The following PCNX4 variants were observed in gnomAD, a reference collection of about 807,000 sequenced individuals.
PCNX4 encodes pecanex-like protein 4.
A neutral mutation model predicts 107.2 loss-of-function variants in PCNX4; 103 were observed. That is an observed-to-expected ratio of 0.96 (90% CI 0.82 to 1.13). The LOEUF (loss-of-function observed/expected upper bound fraction) is 1.13. PCNX4 is among the 50% of genes most tolerant of loss of function. The pLI, the probability that PCNX4 is intolerant of heterozygous loss-of-function variation, is 0.00. For missense variants in PCNX4, 1,528 were observed against 1,379.4 expected, an observed-to-expected ratio of 1.11 and a Z score of -1.71; for synonymous variants, 541 against 481.7, an observed-to-expected ratio of 1.12 and a Z score of -1.61.
intron 10 of PCNX4, among the ~76,000 whole-genome samples, chr14:60,127,995 C>A (rs1392125174): frequency 6.6e-6 from 1 of 151,914 alleles, no homozygotes; most frequent in Non-Finnish European, 1.5e-5. Context: ...TTTAAACTGG[C>A]AGAAGAAAGA....
chr14:60,125,761 T>G lies in PCNX4; in HGVS notation c.3205T>G (p.Trp1069Gly). 2 of 1,611,746 alleles carry G rather than the reference T, an allele frequency of 1.2e-6. No individual in the cohort carries two copies. The highest frequency in any genetic ancestry group is 8.5e-7 in the Non-Finnish European group (1 of 1,178,946). Residue 1069 changes from tryptophan (W) to glycine (G), a missense_variant, in exon 10 of 11, where the codon TGG becomes GGG. Physicochemically the swap from Trp to Gly is radical, Grantham distance 184. Transcript: ENST00000406854. ...CATTGGTTTGGTATCTGATGAAAAG[T>G]GGAAGGAAGCAATTTTACAAGAAAA... ...WYIGLVSDEKWKEAILQEKPY... is the reference protein window; with the variant it reads ...WYIGLVSDEKGKEAILQEKPY...
chr14:60,127,040 G>A (rs1223565440), intron 10 of PCNX4, among the ~76,000 whole-genome samples: 1 of 152,182 alleles, frequency 6.6e-6, no homozygotes, highest in East Asian at 1.9e-4. Flanking sequence ...AACAACAAAA[G>A]CTCTGAATCT....
At chr14:60,099,591 G>A (rs1025517251) in intron 1 of PCNX4, among the ~76,000 whole-genome samples, 1 of 152,200 alleles carries the variant, frequency 6.6e-6, no homozygotes, top group Non-Finnish European at 1.5e-5. Context: ...TTATCACTGA[G>A]CACATTGTAG....
chr14:60,101,912 C>A (rs1895539450), intron 1 of PCNX4, among the ~76,000 whole-genome samples: 1 of 152,080 alleles, frequency 6.6e-6, no homozygotes, highest in South Asian at 2.1e-4. Flanking sequence ...AAAAAGGAAA[C>A]CATGCCATAT....
intron 6 of PCNX4, among the ~76,000 whole-genome samples, chr14:60,116,996 CTGT>C (rs1255218755): frequency 6.6e-6 from 1 of 151,912 alleles, no homozygotes; most frequent in Non-Finnish European, 1.5e-5. Flanking sequence ...TGTTGAGCAG[CTGT>C]ACAATGTGTT....
At chr14:60,123,813 G>A (rs1555330841) in intron 8 of PCNX4, among the ~76,000 whole-genome samples, 1 of 152,104 alleles carries the variant, frequency 6.6e-6, no homozygotes, top group Non-Finnish European at 1.5e-5. Flanking sequence ...GTCTCATAAA[G>A]TGGGATGGAA....
At position 60,125,185 on chromosome 14, in the gene PCNX4, G is replaced by A. The variant is rs773554200; in HGVS notation, c.3014G>A (p.Trp1005Ter). Residue 1005 changes from tryptophan (W) to a stop codon, truncating the protein, a stop_gained, in exon 9 of 11, where the codon TGG (tryptophan) becomes TAG (stop). Transcript: ENST00000406854. LOFTEE classifies it high-confidence loss of function. ...AGAGTTTACGGTGGTGTTTTGCCTT[G>A]GTCTGTTGCTTTGGACTGGCTCACA... The part of the protein sequence containing the change: ...ILRVYGGVLP[W>*]SVALDWLTEK... 6.2e-7 allele frequency: 1 copy of A among 1,610,464 alleles called. No homozygotes were observed. Among genetic ancestry groups the A allele is most frequent in the Non-Finnish European group, 8.5e-7 (1 of 1,178,532 alleles).
intron 1 of PCNX4, among the ~76,000 whole-genome samples, chr14:60,105,079 A>G (rs745739679): frequency 6.1e-4 from 93 of 152,290 alleles, no homozygotes; most frequent in South Asian, 1.2e-3. Flanking sequence ...AAAATCAGAA[A>G]TGCCCTACTA....
intron 6 of PCNX4, among the ~76,000 whole-genome samples, chr14:60,117,175 A>T (rs892981711): frequency 5.3e-5 from 8 of 152,336 alleles, no homozygotes; most frequent in African/African-American, 7.2e-5. Flanking sequence ...ACAGTAGTGT[A>T]TAGTAATGTC....
At chr14:60,097,012 C>T (rs933050672) in intron 1 of PCNX4, among the ~76,000 whole-genome samples, 1 of 151,356 alleles carries the variant, frequency 6.6e-6, no homozygotes, top group Admixed American at 6.6e-5. Context: ...AAATTCTAGT[C>T]TTGCCTCATG....
In PCNX4 at chr14:60,134,148, C is replaced by T. The variant is rs773790296; in HGVS notation, c.3446C>T (p.Thr1149Met). ...QAHPLLLRNL[T>M]VQAAEPPLGY... ...CATCCACTACTTTTAAGAAATCTTA[C>T]GGTACAAGCAGCAGAACCTCCCCTG... Residue 1149 changes from threonine to methionine, a missense_variant, in exon 11 of 11, where the codon ACG (threonine) becomes ATG (methionine). Coordinates refer to ENST00000406854, the MANE Select transcript of PCNX4 (RefSeq NM_001330177.2). 18 of 1,613,584 alleles carry T rather than the reference C, an allele frequency of 1.1e-5. No homozygotes were observed. The highest frequency in any genetic ancestry group is 5.0e-5 in the Admixed American group (3 of 60,000).
At chr14:60,104,318 CAAAAAAAAAA>C (rs200434027) in intron 1 of PCNX4, among the ~76,000 whole-genome samples, 52 of 129,568 alleles carry the variant, frequency 4.0e-4, no homozygotes, top group African/African-American at 1.8e-3. Context: ...GACTCCATCT[CAAAAAAAAAA>C]AAAAAAAAAA....
chr14:60,116,326 C>T (rs1179335062), intron 6 of PCNX4, among the ~76,000 whole-genome samples: 1 of 152,188 alleles, frequency 6.6e-6, no homozygotes, highest in Non-Finnish European at 1.5e-5. Flanking sequence ...TGGAATTCTG[C>T]AGCATGTGAT....
chr14:60,129,741 G>C (rs1171030249), intron 10 of PCNX4, among the ~76,000 whole-genome samples: 1 of 152,132 alleles, frequency 6.6e-6, no homozygotes, highest in Non-Finnish European at 1.5e-5. Context: ...CGTTGTAAGA[G>C]TAATATTTCT....
Position 60,134,467 on chromosome 14 carries a change from T to G in PCNX4, c.*246T>G. 2.4e-6 allele frequency: 1 copy of G among 420,654 alleles called. No individual in the cohort carries two copies. The highest frequency in any genetic ancestry group is 2.0e-5 in the African/African-American group (1 of 49,598). The allele number at this position is 420,654 out of a possible 1,614,324, so 26.1% of individuals were successfully genotyped here. ...TTGTGCCCTCTGGACTTTAGTAGGC[T>G]TTGGTAAATGTGAGAAAACTTTTGT... On this transcript the variant is annotated 3_prime_UTR_variant, in exon 11 of 11. Transcript: ENST00000406854.
intron 1 of PCNX4, among the ~76,000 whole-genome samples, chr14:60,094,917 AAAAT>A (rs1367171459): frequency 1.3e-5 from 2 of 152,110 alleles, no homozygotes; most frequent in Non-Finnish European, 2.9e-5. Context: ...GTTTTTTTGT[AAAAT>A]AAATTAATTT....
intron 5 of PCNX4, 24 bp downstream of exon 5, chr14:60,115,843 G>A (rs375266288): frequency 2.5e-6 from 4 of 1,597,962 alleles, no homozygotes; most frequent in African/African-American, 2.7e-5. Flanking sequence ...GTGTTTAATA[G>A]TATTTTCCTA....
At position 60,138,851 on chromosome 14, in the gene PCNX4, A is replaced by G. The variant is rs763811966; in HGVS notation, c.*4630A>G. On this transcript the variant is annotated 3_prime_UTR_variant, in exon 11 of 11. Coordinates refer to ENST00000406854, the MANE Select transcript of PCNX4 (RefSeq NM_001330177.2). ...ACTATATAAAATAGTCTTCGAGGTTAAAATAAATAATGTTAAAATGTGACA... is the reference window on the plus strand; with the variant it reads ...ACTATATAAAATAGTCTTCGAGGTTGAAATAAATAATGTTAAAATGTGACA... The G allele has an allele frequency of 2.0e-5, 3 of 152,156 alleles. No individual in the cohort carries two copies. Among genetic ancestry groups the G allele is most frequent in the Non-Finnish European group, 4.4e-5 (3 of 68,012 alleles). 9.4% of individuals were successfully genotyped at this position (152,156 alleles called of 1,614,324 possible). A position where few individuals can be genotyped will look rare whatever the true frequency, so the allele number is the denominator to read the frequency against.
Position 60,125,754 on chromosome 14 carries a change from T to C in PCNX4, c.3198T>C (p.Asp1066=), listed in dbSNP as rs1302378708. Residue 1066 remains aspartate (D), a synonymous_variant, in exon 10 of 11, where the codon GAT becomes GAC. Transcript: ENST00000406854. ...ERDWYIGLVS[D]EKWKEAILQE... Reference sequence around the variant, plus strand: ...ACTGGTACATTGGTTTGGTATCTGATGAAAAGTGGAAGGAAGCAATTTTAC... The same window carrying C: ...ACTGGTACATTGGTTTGGTATCTGACGAAAAGTGGAAGGAAGCAATTTTAC... 2 of 1,612,086 alleles carry C rather than the reference T, an allele frequency of 1.2e-6. No individual in the cohort carries two copies. The highest frequency in any genetic ancestry group is 1.7e-6 in the Non-Finnish European group (2 of 1,179,018).
Sources: allele counts gnomAD v4.1 joint callset (sites outside exome capture counted in the v4.1 genomes callset), GRCh38; gene constraint gnomAD v4.1.1; transcripts MANE v1.5; gene names NCBI Gene and HGNC (gene_info 2026-07-23, HGNC 2026-07-21).